Variants in RFX3 observed in about 807,000 individuals in gnomAD.
RFX3 encodes the protein transcription factor RFX3.
Under a neutral mutation model 98.6 loss-of-function variants are expected in RFX3, and 14 were observed. The observed-to-expected ratio is 0.14, with a 90% CI of 0.09 to 0.22. The LOEUF (loss-of-function observed/expected upper bound fraction) is 0.22. RFX3 is among the 10% of genes least tolerant of loss of function. The probability of loss-of-function intolerance (pLI) is 1.00; values close to 1 mark genes in which losing one functional copy is unlikely to be tolerated. For missense variants in RFX3, 639 were observed against 926.9 expected (o/e 0.69, Z 4.03); for synonymous variants, 383 against 328.4 (o/e 1.17, Z -1.80).
intron 2 of RFX3, among the ~76,000 whole-genome samples, chr9:3,358,645 G>A (rs1034835732): frequency 6.6e-6 from 1 of 152,038 alleles, no homozygotes; most frequent in Non-Finnish European, 1.5e-5. Flanking sequence ...GCATATTTTG[G>A]CGGTAACACC....
chr9:3,505,213 A>T (rs1392467888), intron 1 of RFX3, among the ~76,000 whole-genome samples: 4 of 62,992 alleles, frequency 6.4e-5, no homozygotes, highest in African/African-American at 3.1e-4. Context: ...TATATATATG[A>T]ATATATATTT....
chr9:3,323,903 G>A (rs1371542175), intron 4 of RFX3: 2 of 252,416 alleles, frequency 7.9e-6, no homozygotes, highest in Non-Finnish European at 1.9e-5. Context: ...CGAGGCTGGA[G>A]CAGTGTGGAA....
intron 7 of RFX3, among the ~76,000 whole-genome samples, chr9:3,284,276 A>G (rs1194979148): frequency 1.3e-5 from 2 of 151,722 alleles, no homozygotes; most frequent in Non-Finnish European, 3.0e-5. Flanking sequence ...ATTATCAAAA[A>G]TAAACTGCAG....
chr9:3,277,279 G>A, intron 8 of RFX3, 61 bp downstream of exon 8: 2 of 1,558,518 alleles, frequency 1.3e-6, no homozygotes. Flanking sequence ...ATTGCACTTG[G>A]AGAAAAGACT....
At chr9:3,470,183 C>CA (rs1564143678) in intron 1 of RFX3, among the ~76,000 whole-genome samples, 1 of 151,844 alleles carries the variant, frequency 6.6e-6, no homozygotes, top group Non-Finnish European at 1.5e-5. Flanking sequence ...AAAACAACAA[C>CA]AAAAAAACAG....
intron 2 of RFX3, among the ~76,000 whole-genome samples, chr9:3,392,884 G>C (rs1840456164): frequency 6.6e-6 from 1 of 151,994 alleles, no homozygotes; most frequent in Non-Finnish European, 1.5e-5. Flanking sequence ...TTTACTACAA[G>C]GCTGGATTTG....
chr9:3,338,446 A>T (rs1279182669), intron 3 of RFX3, among the ~76,000 whole-genome samples: 1 of 152,244 alleles, frequency 6.6e-6, no homozygotes, highest in Non-Finnish European at 1.5e-5. Context: ...GACAATGTAC[A>T]GCATACTGGA....
intron 13 of RFX3, among the ~76,000 whole-genome samples, chr9:3,259,617 C>T (rs759058402): frequency 2.0e-5 from 3 of 151,562 alleles, no homozygotes; most frequent in African/African-American, 4.8e-5. Flanking sequence ...GTCAGCCCAC[C>T]GAAAGCTATT....
At position 3,409,467 on chromosome 9, in the gene RFX3, A is replaced by G. The variant is rs1842273969; in HGVS notation, c.-8-13871T>C. On this transcript the variant is annotated intron_variant, in intron 1 of 16. Transcript: ENST00000617270. The stretch of plus-strand genomic sequence containing the variant: ...GGGTTGAAATTGCAATGGAAAAATT[A>G]AAATCAAATTAAAACTTAATAATTA... Among the ~76,000 whole-genome samples the G allele has an allele frequency of 3.3e-5, 5 of 152,248 alleles. No individual in the cohort carries two copies. In the South Asian group the frequency reaches 1.0e-3, roughly 31 times the overall value.
At chr9:3,235,533 A>G (rs1209882209) in intron 15 of RFX3, among the ~76,000 whole-genome samples, 1 of 152,242 alleles carries the variant, frequency 6.6e-6, no homozygotes, top group Non-Finnish European at 1.5e-5. Context: ...TCTGGAGGTC[A>G]GAAGTTCTAA....
chr9:3,360,272 A>G (rs188097644), intron 2 of RFX3, among the ~76,000 whole-genome samples: 1 of 150,632 alleles, frequency 6.6e-6, no homozygotes, highest in Non-Finnish European at 1.5e-5. Context: ...CTTTAAAATT[A>G]AAAAAAAACA....
At chr9:3,487,377 T>C (rs1850365977) in intron 1 of RFX3, among the ~76,000 whole-genome samples, 1 of 152,192 alleles carries the variant, frequency 6.6e-6, no homozygotes, top group South Asian at 2.1e-4. Flanking sequence ...ACATTTACAT[T>C]TTTAAAACTA....
At chr9:3,451,953 G>A (rs535955429) in intron 1 of RFX3, among the ~76,000 whole-genome samples, 9 of 151,068 alleles carry the variant, frequency 6.0e-5, no homozygotes, top group Non-Finnish European at 1.0e-4. Context: ...ACAATTCTTC[G>A]TTACACTCTC....
chr9:3,302,552 C>A (rs1828792465), intron 4 of RFX3, among the ~76,000 whole-genome samples: 1 of 151,650 alleles, frequency 6.6e-6, no homozygotes, highest in Non-Finnish European at 1.5e-5. Flanking sequence ...TCACACCATG[C>A]AATTTAAGAG....
At chr9:3,520,367 G>A (rs1002640834) in intron 1 of RFX3, among the ~76,000 whole-genome samples, 2 of 152,074 alleles carry the variant, frequency 1.3e-5, no homozygotes, top group Non-Finnish European at 2.9e-5. Context: ...AGATTAAAAA[G>A]TTTATATGCT....
intron 1 of RFX3, chr9:3,489,501 C>T (rs978676464): frequency 4.0e-6 from 3 of 746,112 alleles, no homozygotes; most frequent in South Asian, 6.1e-5. Context: ...GGAATTATGA[C>T]ATCAGCAGTA....
intron 13 of RFX3, among the ~76,000 whole-genome samples, chr9:3,259,702 A>G (rs1014089385): frequency 2.6e-5 from 4 of 152,008 alleles, no homozygotes; most frequent in African/African-American, 7.2e-5. Context: ...AATACTATCA[A>G]TTAAATGAAA....
intron 7 of RFX3, among the ~76,000 whole-genome samples, chr9:3,279,788 G>A (rs1051915834): frequency 6.6e-6 from 1 of 151,664 alleles, no homozygotes; most frequent in African/African-American, 2.4e-5. Flanking sequence ...TGAAAGGAGA[G>A]ATTATATTTT....
At chr9:3,289,925 T>A (rs1827118562) in intron 6 of RFX3, among the ~76,000 whole-genome samples, 1 of 152,266 alleles carries the variant, frequency 6.6e-6, no homozygotes, top group African/African-American at 2.4e-5. Flanking sequence ...ATAATAGTTC[T>A]ACATATAGTT....
Sources: gnomAD v4.1 joint callset for allele counts (sites outside exome capture counted in the v4.1 genomes callset) on GRCh38, gnomAD v4.1.1 for gene constraint, MANE v1.5 for transcripts, NCBI Gene and HGNC (gene_info 2026-07-23, HGNC 2026-07-21) for gene names.